Variants in MED12L observed in about 807,000 individuals in gnomAD.
MED12L encodes the protein mediator of RNA polymerase II transcription subunit 12-like protein.
MED12L carries 60 observed loss-of-function variants against 281.3 expected under a neutral mutation model. The ratio of observed to expected loss-of-function variants is 0.21; its 90% CI spans 0.17 to 0.26. MED12L has a LOEUF of 0.26. Ranked by LOEUF, MED12L falls within the 10% of genes least tolerant of loss-of-function variation. The pLI is 1.00. For synonymous variants in MED12L, 974 were observed against 987.2 expected (o/e 0.99, Z 0.25); for missense variants, 2,146 against 2,680.9 (o/e 0.80, Z 4.41).
At chr3:151,328,477 C>T in intron 16 of MED12L, 1 of 1,614,012 alleles carries the variant, frequency 6.2e-7, no homozygotes. Context: ...AGGAAGCACA[C>T]TTTTTCACAG....
intron 22 of MED12L, among the ~76,000 whole-genome samples, chr3:151,365,584 G>T (rs1755174758): frequency 1.3e-5 from 2 of 152,122 alleles, no homozygotes; most frequent in African/African-American, 2.4e-5. Flanking sequence ...TCGTAGCTCA[G>T]ATTTATTCAC....
chr3:151,368,911 A>AC (rs1360130087), intron 25 of MED12L, among the ~76,000 whole-genome samples: 1 of 151,374 alleles, frequency 6.6e-6, no homozygotes, highest in African/African-American at 2.4e-5. Context: ...ATAGGCATGC[A>AC]CCACCATGCC....
intron 21 of MED12L, among the ~76,000 whole-genome samples, chr3:151,362,305 C>G (rs781571032): frequency 7.2e-5 from 11 of 152,100 alleles, no homozygotes; most frequent in Non-Finnish European, 1.2e-4. Flanking sequence ...ATAAAATTCA[C>G]CATCCCTACC....
At position 151,382,717 on chromosome 3, in the gene MED12L, A is replaced by G; in HGVS notation, c.4652A>G (p.His1551Arg). Residue 1551 changes from histidine (H) to arginine (R), a missense_variant, in exon 33 of 45, where the codon CAC (histidine) becomes CGC (arginine). Transcript: ENST00000687756. ...GACATAAAAGCGCGGCAGATGATGC[A>G]CGAAGCATTGCAACTCCGCCTAAAT... ...QDDIKARQMM[H>R]EALQLRLNLV... 2 of 1,612,834 alleles carry G rather than the reference A, an allele frequency of 1.2e-6. No homozygotes were observed. The highest frequency in any genetic ancestry group is 1.7e-6 in the Non-Finnish European group (2 of 1,179,352).
chr3:151,137,116 C>T (rs1249376338), intron 5 of MED12L, among the ~76,000 whole-genome samples: 6 of 147,304 alleles, frequency 4.1e-5, no homozygotes, highest in East Asian at 2.0e-4. Context: ...GAGCTGAGAT[C>T]GCACCACTGC....
chr3:151,159,452 C>T (rs1719712154), intron 7 of MED12L, among the ~76,000 whole-genome samples: 1 of 152,178 alleles, frequency 6.6e-6, no homozygotes, highest in African/African-American at 2.4e-5. Flanking sequence ...GATGTGGCTA[C>T]TGAGCTCTTG....
At chr3:151,144,263 T>TG (rs750826586) in intron 5 of MED12L, among the ~76,000 whole-genome samples, 28 of 151,738 alleles carry the variant, frequency 1.8e-4, no homozygotes, top group Non-Finnish European at 3.1e-4. Flanking sequence ...AAAGGACAAC[T>TG]GGGGGAAAAA....
At position 151,367,631 on chromosome 3, in the gene MED12L, A is replaced by T; in HGVS notation, c.3328-15A>T. 1 of 1,596,958 alleles carries T rather than the reference A, an allele frequency of 6.3e-7. No individual in the cohort carries two copies. Among genetic ancestry groups the T allele is most frequent in the Non-Finnish European group, 8.6e-7 (1 of 1,168,862 alleles). ...GGTTGTTAGGTATTAAAACCTGTCA[A>T]TGTTTTTCTTGAAGGTGAGTGACCT... is the stretch of plus-strand genomic sequence containing the variant. On this transcript the variant is annotated splice_polypyrimidine_tract_variant and intron_variant, in intron 23 of 44. Transcript: ENST00000687756.
rs148237598 is a variant in MED12L, at chr3:151,269,474, G to A, written c.2250+75808G>A. ...GAGACTTAATGAACAAGCCAGTGGG[G>A]AGATTGTGAAAGCAGAACAGAAGTA... On this transcript the variant is annotated intron_variant, in intron 16 of 44. Coordinates refer to ENST00000687756, the MANE Select transcript of MED12L (RefSeq NM_001393769.1). The A allele has an allele frequency of 2.9e-3, 784 of 266,710 alleles. 12 individuals are homozygous for A. The highest frequency in any genetic ancestry group is 0.017 in the African/African-American group (729 of 42,664). The allele number at this position is 266,710 out of a possible 1,614,324, so 16.5% of individuals were successfully genotyped here. A position where few individuals can be genotyped will look rare whatever the true frequency, so the allele number is the denominator to read the frequency against.
At chr3:151,227,650 A>G (rs1318976781) in intron 16 of MED12L, among the ~76,000 whole-genome samples, 3 of 152,172 alleles carry the variant, frequency 2.0e-5, no homozygotes, top group African/African-American at 7.2e-5. Flanking sequence ...CATGACCTCC[A>G]ATGGATACAT....
In MED12L at chr3:151,411,261, C is replaced by T. The variant is rs764947274; in HGVS notation, c.5911-17C>T. On this transcript the variant is annotated splice_polypyrimidine_tract_variant and intron_variant, in intron 40 of 44. Coordinates refer to ENST00000687756, the MANE Select transcript of MED12L (RefSeq NM_001393769.1). ...ATAAGTTGAAACATTGACTTCTTCC[C>T]TTGTGCCTACCTGCAGACCATGCCA... 2.5e-6 allele frequency: 4 copies of T among 1,609,504 alleles called. No individual in the cohort carries two copies. In the South Asian group the frequency reaches 3.3e-5, roughly 13 times the overall value.
chr3:151,388,727 A>G (rs923370546), intron 37 of MED12L, among the ~76,000 whole-genome samples: 4 of 152,212 alleles, frequency 2.6e-5, no homozygotes, highest in African/African-American at 7.2e-5. Flanking sequence ...AGCCTAATTT[A>G]AAATAGTTTT....
intron 2 of MED12L, among the ~76,000 whole-genome samples, chr3:151,113,218 C>T (rs1712196338): frequency 6.6e-6 from 1 of 152,072 alleles, no homozygotes; most frequent in Admixed American, 6.6e-5. Flanking sequence ...AGGTCATTGA[C>T]CATGTGGATA....
chr3:151,396,083 A>G (rs886550862), intron 39 of MED12L, among the ~76,000 whole-genome samples: 3 of 152,246 alleles, frequency 2.0e-5, no homozygotes, highest in African/African-American at 7.2e-5. Context: ...AGTGTCAGAA[A>G]GGATGAGTCT....
chr3:151,357,176 C>G, intron 19 of MED12L, 37 bp from the exon 20 acceptor site: 1 of 1,506,166 alleles, frequency 6.6e-7, no homozygotes, highest in African/African-American at 1.4e-5. Context: ...TTTGTTTTGG[C>G]ACCTACATGT....
chr3:151,354,054 T>G (rs1429404979), intron 17 of MED12L, among the ~76,000 whole-genome samples: 3 of 137,988 alleles, frequency 2.2e-5, no homozygotes, highest in Admixed American at 8.1e-5. Flanking sequence ...GGCAGGAGAA[T>G]GGCGTGAACC....
intron 16 of MED12L, among the ~76,000 whole-genome samples, chr3:151,225,755 C>G (rs1376921743): frequency 2.0e-5 from 3 of 152,104 alleles, no homozygotes; most frequent in East Asian, 3.9e-4. Flanking sequence ...CACCCCCTAT[C>G]TTTTTTCATT....
intron 17 of MED12L, among the ~76,000 whole-genome samples, chr3:151,350,747 T>TA (rs1000929386): frequency 1.3e-5 from 2 of 151,604 alleles, no homozygotes; most frequent in Admixed American, 1.3e-4. Flanking sequence ...TGATTTCAAA[T>TA]AAAAGAATTT....
intron 16 of MED12L, among the ~76,000 whole-genome samples, chr3:151,269,188 G>A (rs954492899): frequency 1.2e-4 from 18 of 152,162 alleles, no homozygotes; most frequent in African/African-American, 4.3e-4. Context: ...ATCACCTGAG[G>A]TCGGGAGTTC....
Sources: gnomAD v4.1 joint callset for allele counts (sites outside exome capture counted in the v4.1 genomes callset) on GRCh38, gnomAD v4.1.1 for gene constraint, MANE v1.5 for transcripts, NCBI Gene and HGNC (gene_info 2026-07-23, HGNC 2026-07-21) for gene names.